Variants in PDE1A observed in about 807,000 individuals in gnomAD.
PDE1A encodes phosphodiesterase 1A, also known as dual specificity calcium/calmodulin-dependent 3',5'-cyclic nucleotide phosphodiesterase 1A.
A neutral mutation model predicts 61.7 loss-of-function variants in PDE1A; 35 were observed. The ratio of observed to expected loss-of-function variants is 0.57; its 90% confidence interval spans 0.43 to 0.75. The LOEUF (loss-of-function observed/expected upper bound fraction) is 0.75. PDE1A is among the 30% of genes least tolerant of loss of function. The pLI is 0.00. For missense variants in PDE1A, 597 were observed against 630.6 expected, an observed-to-expected ratio of 0.95 and a Z score of 0.57; for synonymous variants, 232 against 213.2, an observed-to-expected ratio of 1.09 and a Z score of -0.77.
Position 182,373,477 on chromosome 2 carries a change from C to T in PDE1A, c.53+53101G>A, listed in dbSNP as rs145593996. On this transcript the variant is annotated intron_variant, in intron 1 of 13. Coordinates refer to ENST00000351439, the Ensembl canonical transcript of PDE1A. ...AAACTTAATCATTAAGTGATTTGGT[C>T]ATGGTGGGCTTAAAAACAGAAATTT... 6.4e-4 allele frequency among the ~76,000 whole-genome samples: 98 copies of T among 152,258 alleles called. 2 individuals are homozygous for T. The East Asian group carries it at 0.018, about 28-fold the overall frequency.
At chr2:182,588,372 G>T in the PDE1A span, among the ~76,000 whole-genome samples, 1 of 152,086 alleles carries the variant, frequency 6.6e-6, no homozygotes, top group African/African-American at 2.4e-5. Flanking sequence ...TCTCACAGGT[G>T]AACAAAAAGT....
At chr2:182,588,093 G>C in the PDE1A span, among the ~76,000 whole-genome samples, 2 of 152,180 alleles carry the variant, frequency 1.3e-5, no homozygotes, top group Non-Finnish European at 2.9e-5. Flanking sequence ...TGGTAGCATT[G>C]CTTTGCAATT....
At chr2:182,405,012 A>G (rs941639743) in intron 1 of PDE1A, among the ~76,000 whole-genome samples, 7 of 152,158 alleles carry the variant, frequency 4.6e-5, no homozygotes, top group African/African-American at 1.2e-4. Context: ...CTTTTATACA[A>G]CTGGCAGTGC....
chr2:182,448,256 T>C (rs1685271073), intron 2 of PDE1A, among the ~76,000 whole-genome samples: 2 of 152,118 alleles, frequency 1.3e-5, no homozygotes, highest in Admixed American at 1.3e-4. Flanking sequence ...CTTTCTTCTT[T>C]ATTTTAAACC....
At chr2:182,312,439 C>A (rs1696045975) in intron 1 of PDE1A, among the ~76,000 whole-genome samples, 1 of 152,114 alleles carries the variant, frequency 6.6e-6, no homozygotes, top group South Asian at 2.1e-4. Flanking sequence ...TTAGGCTTTA[C>A]ATTTAGACCT....
chr2:182,254,861 A>G (rs1187998833), intron 2 of PDE1A, among the ~76,000 whole-genome samples: 1 of 152,174 alleles, frequency 6.6e-6, no homozygotes, highest in Non-Finnish European at 1.5e-5. Flanking sequence ...TCAGTTCTTA[A>G]GCGTATGACT....
At position 182,426,823 on chromosome 2, in the gene PDE1A, A is replaced by T; in HGVS notation, c.-193T>A. 7.1e-7 allele frequency: 1 copy of T among 1,405,668 alleles called. No homozygotes were observed. The highest frequency in any genetic ancestry group is 9.2e-7 in the Non-Finnish European group (1 of 1,084,474). The allele number at this position is 1,405,668 out of a possible 1,614,324, so 87.1% of individuals were successfully genotyped here. A position where few individuals can be genotyped will look rare whatever the true frequency, so the allele number is the denominator to read the frequency against. On this transcript the variant is annotated 5_prime_UTR_variant, in exon 1 of 14. It removes an upstream start codon present in the reference 5' UTR. Coordinates refer to ENST00000351439, the Ensembl canonical transcript of PDE1A. ...TGAGCAGTGTGTCCATAGAGGCCAC[A>T]TAAGACAGGCACGTTGGGGCACTCC...
At chr2:182,402,308 T>C (rs1362819234) in intron 1 of PDE1A, among the ~76,000 whole-genome samples, 1 of 152,206 alleles carries the variant, frequency 6.6e-6, no homozygotes, top group Non-Finnish European at 1.5e-5. Flanking sequence ...AACAGCCTTG[T>C]ACTGGTACCA....
the PDE1A span, among the ~76,000 whole-genome samples, chr2:182,703,675 T>C: frequency 6.6e-6 from 1 of 152,242 alleles, no homozygotes; most frequent in Non-Finnish European, 1.5e-5. Flanking sequence ...GCCAATTAGC[T>C]GTGTCATCCT....
At chr2:182,209,799 C>A (rs1293624028) in intron 7 of PDE1A, among the ~76,000 whole-genome samples, 1 of 152,106 alleles carries the variant, frequency 6.6e-6, no homozygotes, top group Non-Finnish European at 1.5e-5. Context: ...CCCAGCCTCA[C>A]CAGCCATGCC....
the PDE1A span, among the ~76,000 whole-genome samples, chr2:182,587,187 A>G: frequency 2.0e-5 from 3 of 152,214 alleles, no homozygotes; most frequent in Non-Finnish European, 4.4e-5. Context: ...AGGTCACACA[A>G]GGTTTTGTGT....
chr2:182,199,861 T>TCAA (rs1686467646), intron 10 of PDE1A, among the ~76,000 whole-genome samples: 2 of 152,132 alleles, frequency 1.3e-5, no homozygotes, highest in African/African-American at 4.8e-5. Context: ...ATTATGTCCA[T>TCAA]CAACAATGGG....
At chr2:182,626,858 T>TAC in the PDE1A span, among the ~76,000 whole-genome samples, 2 of 37,700 alleles carry the variant, frequency 5.3e-5, no homozygotes, top group Admixed American at 5.6e-4. Context: ...CATATATATA[T>TAC]ACATATATAT....
chr2:182,550,205 GTTGAAT>G, the PDE1A span, among the ~76,000 whole-genome samples: 3 of 152,152 alleles, frequency 2.0e-5, no homozygotes, highest in African/African-American at 7.2e-5. Flanking sequence ...CACGTAACTA[GTTGAAT>G]TTGTCTTTTC....
chr2:182,184,580 A>T (rs2125389990), intron 13 of PDE1A, among the ~76,000 whole-genome samples: 1 of 152,322 alleles, frequency 6.6e-6, no homozygotes, highest in Admixed American at 6.5e-5. Context: ...TACTTGAGAA[A>T]GTACTCCAGT....
intron 8 of PDE1A, among the ~76,000 whole-genome samples, chr2:182,204,340 T>G (rs1163763035): frequency 1.3e-5 from 2 of 152,204 alleles, no homozygotes; most frequent in Non-Finnish European, 2.9e-5. Flanking sequence ...GATCCTGGCA[T>G]TTCTAGACTG....
intron 8 of PDE1A, among the ~76,000 whole-genome samples, chr2:182,202,549 A>G (rs528133722): frequency 7.2e-5 from 11 of 152,306 alleles, no homozygotes; most frequent in African/African-American, 9.6e-5. Context: ...CAGCTGGTAC[A>G]TGGCTCAGAT....
At chr2:182,589,457 G>A in the PDE1A span, among the ~76,000 whole-genome samples, 1 of 152,004 alleles carries the variant, frequency 6.6e-6, no homozygotes. Context: ...TACCCTTAAA[G>A]AAAGATGTCC....
chr2:182,462,331 GTA>G (rs142499312), intron 2 of PDE1A, among the ~76,000 whole-genome samples: 47 of 149,864 alleles, frequency 3.1e-4, no homozygotes, highest in East Asian at 9.8e-4. Context: ...ATATAAAAAA[GTA>G]TATATATATA....
Sources: allele counts gnomAD v4.1 joint callset (sites outside exome capture counted in the v4.1 genomes callset), GRCh38; gene constraint gnomAD v4.1.1; transcripts MANE v1.5; gene names NCBI Gene and HGNC (gene_info 2026-07-23, HGNC 2026-07-21).